Variants in LRRC4C observed in about 807,000 individuals in gnomAD.
LRRC4C encodes the protein leucine-rich repeat-containing protein 4C.
In LRRC4C, 5 loss-of-function variants were observed where a neutral mutation model predicts 33.6. The observed-to-expected ratio is 0.15, with a 90% CI of 0.08 to 0.31. The LOEUF is 0.31. Ranked by LOEUF, LRRC4C falls within the 10% of genes least tolerant of loss-of-function variation. LRRC4C has a pLI of 1.00. For missense variants in LRRC4C, 560 were observed against 796.7 expected (o/e 0.70, Z 3.58); for synonymous variants, 329 against 302.0 (o/e 1.09, Z -0.93).
chr11:40,735,608 G>A (rs1283567302), intron 2 of LRRC4C, among the ~76,000 whole-genome samples: 9 of 126,962 alleles, frequency 7.1e-5, no homozygotes, highest in South Asian at 2.5e-4. Flanking sequence ...GAATAGTGCC[G>A]CAATAAACAT....
At chr11:40,996,946 CT>C (rs34847860) in intron 1 of LRRC4C, among the ~76,000 whole-genome samples, 3 of 152,130 alleles carry the variant, frequency 2.0e-5, no homozygotes, top group Non-Finnish European at 4.4e-5. Flanking sequence ...GGAGATCAAA[CT>C]TTTTTTCAAC....
intron 1 of LRRC4C, among the ~76,000 whole-genome samples, chr11:41,340,203 A>G (rs1013929860): frequency 1.3e-5 from 2 of 152,168 alleles, no homozygotes; most frequent in African/African-American, 2.4e-5. Context: ...TATAAAAATA[A>G]TTTATTAGAG....
At position 40,268,901 on chromosome 11, in the gene LRRC4C, G is replaced by A. The variant is rs1219107663; in HGVS notation, c.-175-27303C>T. 2.0e-5 allele frequency among the ~76,000 whole-genome samples: 3 copies of A among 152,112 alleles called. No individual in the cohort carries two copies. In the East Asian group the frequency reaches 5.8e-4, roughly 29 times the overall value. ...CAGGACTGAGAACCGCCAGTCTAGA[G>A]ACTCTAGGTAGAATCACTTAAGTAG... On this transcript the variant is annotated intron_variant, in intron 4 of 6. Coordinates refer to ENST00000528697, the MANE Select transcript of LRRC4C (RefSeq NM_001258419.2).
At chr11:41,058,536 G>A (rs1447433429) in intron 1 of LRRC4C, among the ~76,000 whole-genome samples, 3 of 152,188 alleles carry the variant, frequency 2.0e-5, no homozygotes, top group African/African-American at 7.2e-5. Context: ...AGCTAAACTT[G>A]GGCAAAGGTG....
chr11:40,410,200 C>G (rs1223212889), intron 3 of LRRC4C, among the ~76,000 whole-genome samples: 2 of 151,770 alleles, frequency 1.3e-5, no homozygotes, highest in African/African-American at 4.8e-5. Context: ...ATGTAAGGTA[C>G]ATATGTATTT....
chr11:40,218,716 T>TATCC (rs1864179335), intron 5 of LRRC4C, among the ~76,000 whole-genome samples: 1 of 151,370 alleles, frequency 6.6e-6, no homozygotes, highest in Non-Finnish European at 1.5e-5. Context: ...TCTATCTATC[T>TATCC]ATCTATCTAT....
intron 2 of LRRC4C, among the ~76,000 whole-genome samples, chr11:40,876,125 GA>G (rs1432395715): frequency 6.6e-6 from 1 of 152,034 alleles, no homozygotes; most frequent in African/African-American, 2.4e-5. Context: ...ATGGAGATTG[GA>G]ATTTATCTCA....
intron 5 of LRRC4C, among the ~76,000 whole-genome samples, chr11:40,197,647 C>T (rs1156697530): frequency 6.6e-6 from 1 of 152,156 alleles, no homozygotes; most frequent in Non-Finnish European, 1.5e-5. Flanking sequence ...CCATCATTCC[C>T]CATGACATAG....
intron 3 of LRRC4C, among the ~76,000 whole-genome samples, chr11:40,325,314 A>G (rs1946044019): frequency 6.6e-6 from 1 of 152,232 alleles, no homozygotes; most frequent in Admixed American, 6.5e-5. Flanking sequence ...GACTCACTCC[A>G]GGAAAGGAAG....
intron 2 of LRRC4C, among the ~76,000 whole-genome samples, chr11:40,662,616 A>G (rs1943500925): frequency 6.6e-6 from 1 of 152,210 alleles, no homozygotes; most frequent in Non-Finnish European, 1.5e-5. Flanking sequence ...TGATCCTTTT[A>G]AAGGGAGGGG....
At chr11:41,311,119 G>A (rs1248748378) in intron 1 of LRRC4C, among the ~76,000 whole-genome samples, 1 of 152,198 alleles carries the variant, frequency 6.6e-6, no homozygotes, top group Non-Finnish European at 1.5e-5. Context: ...CAAACTAGCA[G>A]CTTTCTCCAG....
Position 40,161,404 on chromosome 11 carries a change from G to A in LRRC4C, c.-95-20551C>T, listed in dbSNP as rs372894828. Among the ~76,000 whole-genome samples, 3 of 152,166 alleles carry A rather than the reference G, an allele frequency of 2.0e-5. No homozygotes were observed. The South Asian group carries it at 6.2e-4, about 32-fold the overall frequency. On this transcript the variant is annotated intron_variant, in intron 5 of 6. Transcript: ENST00000528697. Reference sequence around the variant, plus strand: ...TTCTCAATGTGTAAATATTTTTAAAGTATCTGGTATTTCTAAAATAGCTCA... The same window carrying A: ...TTCTCAATGTGTAAATATTTTTAAAATATCTGGTATTTCTAAAATAGCTCA...
intron 1 of LRRC4C, among the ~76,000 whole-genome samples, chr11:41,362,645 C>A (rs1479782477): frequency 6.6e-6 from 1 of 152,258 alleles, no homozygotes; most frequent in Non-Finnish European, 1.5e-5. Context: ...ATTCAAAGTT[C>A]TTCTTTTACA....
At chr11:40,562,077 C>G (rs1331076404) in intron 3 of LRRC4C, among the ~76,000 whole-genome samples, 1 of 152,202 alleles carries the variant, frequency 6.6e-6, no homozygotes, top group Non-Finnish European at 1.5e-5. Context: ...TACATGTCTT[C>G]TGCCAGTGCT....
intron 1 of LRRC4C, among the ~76,000 whole-genome samples, chr11:41,457,952 G>C (rs779728782): frequency 6.7e-6 from 1 of 150,236 alleles, no homozygotes; most frequent in Non-Finnish European, 1.5e-5. Flanking sequence ...TAAGTTTTTT[G>C]TTTGTTTGTT....
At chr11:41,083,851 T>C (rs1044456555) in intron 1 of LRRC4C, among the ~76,000 whole-genome samples, 1 of 152,122 alleles carries the variant, frequency 6.6e-6, no homozygotes, top group Non-Finnish European at 1.5e-5. Context: ...GGAAACACAA[T>C]TGAGAGAAAT....
At chr11:41,304,289 C>T (rs1427033270) in intron 1 of LRRC4C, among the ~76,000 whole-genome samples, 4 of 117,870 alleles carry the variant, frequency 3.4e-5, no homozygotes, top group East Asian at 3.0e-4. Context: ...GCCCGGCCGC[C>T]CCTACTGGGA....
chr11:41,019,851 C>T (rs1855835887), intron 1 of LRRC4C, among the ~76,000 whole-genome samples: 1 of 151,898 alleles, frequency 6.6e-6, no homozygotes, highest in African/African-American at 2.4e-5. Flanking sequence ...ATCTTTTGTC[C>T]AATTTTTGAT....
chr11:40,645,303 G>A (rs1001094164), intron 3 of LRRC4C, among the ~76,000 whole-genome samples: 5 of 152,004 alleles, frequency 3.3e-5, no homozygotes, highest in African/African-American at 1.2e-4. Context: ...TAAACACACA[G>A]ACACACACAA....
Sources: gnomAD v4.1 joint callset for allele counts (sites outside exome capture counted in the v4.1 genomes callset) on GRCh38, gnomAD v4.1.1 for gene constraint, MANE v1.5 for transcripts, NCBI Gene and HGNC (gene_info 2026-07-23, HGNC 2026-07-21) for gene names.